Variants in SCOC observed in about 807,000 individuals in gnomAD.
SCOC encodes the protein short coiled-coil protein.
A neutral mutation model predicts 9.9 loss-of-function variants in SCOC; 7 were observed. That is an observed-to-expected ratio of 0.71 (90% CI 0.40 to 1.33). The LOEUF is 1.33. Among genes scored for constraint, SCOC ranks in the 40% most tolerant of loss-of-function variants. SCOC has a pLI of 0.01. For synonymous variants in SCOC, 19 were observed against 28.2 expected, an observed-to-expected ratio of 0.67 and a Z score of 1.03; for missense variants, 66 against 89.7, an observed-to-expected ratio of 0.74 and a Z score of 1.07.
intron 1 of SCOC, among the ~76,000 whole-genome samples, chr4:140,273,141 C>T (rs77944815): frequency 0.048 from 7,257 of 152,198 alleles, 220 homozygotes; most frequent in Non-Finnish European, 0.075. Context: ...ACAGCTCCTT[C>T]CTGAGGAGAT....
At position 140,373,685 on chromosome 4, in the gene SCOC, G is replaced by A. The variant is rs1456479379; in HGVS notation, c.-83G>A. On this transcript the variant is annotated 5_prime_UTR_variant, in exon 1 of 4. Transcript: ENST00000608372. ...GTGTCCCGGCCTGAGGTGTCGGCCG[G>A]ATCCCTCCTTCTCCCGGCGCCTCAA... is the stretch of plus-strand genomic sequence containing the variant. The A allele has an allele frequency of 6.5e-7, 1 of 1,550,272 alleles. No individual in the cohort carries two copies. Among genetic ancestry groups the A allele is most frequent in the African/African-American group, 1.4e-5 (1 of 73,020 alleles).
chr4:140,328,188 A>G (rs1732706173), intron 1 of SCOC, among the ~76,000 whole-genome samples: 1 of 152,200 alleles, frequency 6.6e-6, no homozygotes. Flanking sequence ...CACTTAACAC[A>G]TTGGATTACA....
upstream of SCOC, chr4:140,373,417 G>A (rs770174066): frequency 1.1e-5 from 16 of 1,501,582 alleles, no homozygotes; most frequent in South Asian, 2.6e-5. Context: ...ATTGGCTGTC[G>A]CTGTTCCAGG....
At chr4:140,348,048 T>C (rs887327127) in intron 2 of SCOC, among the ~76,000 whole-genome samples, 9 of 152,220 alleles carry the variant, frequency 5.9e-5, no homozygotes, top group African/African-American at 2.2e-4. Flanking sequence ...GTTTATGGTG[T>C]ACATTATATA....
chr4:140,381,931 A>G lies in SCOC; in HGVS notation c.*827A>G, dbSNP rs929539362. The G allele has an allele frequency of 3.9e-5, 6 of 152,306 alleles. No homozygotes were observed. The highest frequency in any genetic ancestry group is 1.2e-4 in the African/African-American group (5 of 41,564). 9.4% of individuals were successfully genotyped at this position (152,306 alleles called of 1,614,324 possible). ...GTACTCGGTAAACAGTAGTAACCAA[A>G]TATTTTCACTCCAGATTTGTGTTTT... On this transcript the variant is annotated 3_prime_UTR_variant, in exon 4 of 4. Transcript: ENST00000608372.
upstream of SCOC, among the ~76,000 whole-genome samples, chr4:140,338,750 A>AAGG (rs1408862237): frequency 4.3e-4 from 65 of 152,314 alleles, 2 homozygotes; most frequent in Admixed American, 2.5e-3. Context: ...AAGGGATATG[A>AAGG]AGGACCTCTT....
In SCOC at chr4:140,261,302, C is replaced by T. The variant is rs547762374; in HGVS notation, c.-19+3892C>T. On this transcript the variant is annotated intron_variant, in intron 1 of 4. Transcript: ENST00000394205. ...GGCTCCTGACTCTGTGCCTTTAGGG[C>T]TAATGAAAAGAAAATGCCATCACCC... is the stretch of plus-strand genomic sequence containing the variant. Among the ~76,000 whole-genome samples the T allele has an allele frequency of 7.9e-5, 12 of 152,264 alleles. No individual in the cohort carries two copies. The South Asian group carries it at 2.5e-3, about 32-fold the overall frequency.
intron 1 of SCOC, among the ~76,000 whole-genome samples, chr4:140,308,886 C>A (rs1732070876): frequency 6.6e-6 from 1 of 151,996 alleles, no homozygotes; most frequent in Non-Finnish European, 1.5e-5. Context: ...CCTCTTTTTT[C>A]CCCCAGCCAG....
At chr4:140,358,578 G>A (rs377718009) in intron 2 of SCOC, among the ~76,000 whole-genome samples, 5 of 152,198 alleles carry the variant, frequency 3.3e-5, no homozygotes, top group East Asian at 1.9e-4. Flanking sequence ...GGTTCTGAGA[G>A]GGAACTAAGC....
At chr4:140,344,513 T>C (rs1265507073) in intron 2 of SCOC, among the ~76,000 whole-genome samples, 2 of 152,244 alleles carry the variant, frequency 1.3e-5, no homozygotes, top group African/African-American at 4.8e-5. Flanking sequence ...TCTCCCTAAA[T>C]GCTTAGATTC....
upstream of SCOC, among the ~76,000 whole-genome samples, chr4:140,340,275 C>G (rs1814206): frequency 0.2 from 29,753 of 151,066 alleles, 3,800 homozygotes; most frequent in African/African-American, 0.36. Context: ...ACAGAAAGGG[C>G]AACATCACAC....
intron 1 of SCOC, among the ~76,000 whole-genome samples, chr4:140,301,477 G>A (rs909514766): frequency 6.6e-6 from 1 of 152,176 alleles, no homozygotes; most frequent in African/African-American, 2.4e-5. Flanking sequence ...TAGAGGGTCA[G>A]GCTCTTAATT....
chr4:140,379,495 C>A, intron 2 of SCOC, 74 bp from the exon 3 acceptor site: 1 of 1,095,968 alleles, frequency 9.1e-7, no homozygotes, highest in Non-Finnish European at 1.4e-6. Flanking sequence ...AAACATTTTG[C>A]AGATTTTTAA....
At chr4:140,306,964 A>G (rs528525535) in intron 1 of SCOC, among the ~76,000 whole-genome samples, 49 of 152,140 alleles carry the variant, frequency 3.2e-4, no homozygotes, top group Non-Finnish European at 5.7e-4. Context: ...TGTCCTCCCA[A>G]ATACATATGT....
intron 1 of SCOC, among the ~76,000 whole-genome samples, chr4:140,318,383 GA>G (rs556587253): frequency 8.7e-4 from 97 of 111,680 alleles, no homozygotes; most frequent in Non-Finnish European, 1.3e-3. Context: ...AAATTTACAA[GA>G]AAAAAACAAA....
At chr4:140,304,693 T>C (rs1343647809) in intron 1 of SCOC, among the ~76,000 whole-genome samples, 1 of 152,090 alleles carries the variant, frequency 6.6e-6, no homozygotes, top group Non-Finnish European at 1.5e-5. Context: ...GACTCTTAGC[T>C]AGATTAGAGC....
chr4:140,294,604 C>A (rs922306007), intron 1 of SCOC, among the ~76,000 whole-genome samples: 6 of 152,138 alleles, frequency 3.9e-5, no homozygotes, highest in African/African-American at 9.7e-5. Context: ...ATTTTAGTGA[C>A]CCGTGCTCTG....
chr4:140,304,311 G>A (rs920461914), intron 1 of SCOC, among the ~76,000 whole-genome samples: 3 of 152,158 alleles, frequency 2.0e-5, no homozygotes, highest in African/African-American at 7.2e-5. Flanking sequence ...GGGTGAGGTA[G>A]CAGGTAGGAG....
chr4:140,303,335 T>C (rs1435260360), intron 1 of SCOC, among the ~76,000 whole-genome samples: 4 of 152,236 alleles, frequency 2.6e-5, no homozygotes, highest in African/African-American at 4.8e-5. Context: ...CTCCTACCTC[T>C]GGCCTACCAA....
Sources: allele counts gnomAD v4.1 joint callset (sites outside exome capture counted in the v4.1 genomes callset), GRCh38; gene constraint gnomAD v4.1.1; transcripts MANE v1.5; gene names NCBI Gene and HGNC (gene_info 2026-07-23, HGNC 2026-07-21).